Variants in DOCK2 observed in about 807,000 individuals in gnomAD.
DOCK2 encodes the protein dedicator of cytokinesis protein 2.
In DOCK2, 87 loss-of-function variants were observed where a neutral mutation model predicts 248.9. The ratio of observed to expected loss-of-function variants is 0.35; its 90% CI spans 0.29 to 0.42. The LOEUF (loss-of-function observed/expected upper bound fraction) is 0.42, where lower values mean the gene tolerates loss of function less well. Among genes scored for constraint, DOCK2 ranks in the 10% least tolerant of loss-of-function variants. DOCK2 has a pLI of 1.00. For missense variants in DOCK2, 1,747 were observed against 2,300.2 expected (o/e 0.76, Z 4.92); for synonymous variants, 805 against 821.6 (o/e 0.98, Z 0.35).
intron 22 of DOCK2, among the ~76,000 whole-genome samples, chr5:169,719,138 G>A (rs1762061972): frequency 6.6e-6 from 1 of 152,230 alleles, no homozygotes; most frequent in Admixed American, 6.5e-5. Context: ...AGGAAGGGCA[G>A]AACTCAGGGA....
At chr5:169,983,369 C>T (rs1777988734) in intron 28 of DOCK2, among the ~76,000 whole-genome samples, 2 of 152,162 alleles carry the variant, frequency 1.3e-5, no homozygotes, top group Non-Finnish European at 2.9e-5. Flanking sequence ...TAGGATTTGT[C>T]ACATGCTAGC....
intron 27 of DOCK2, among the ~76,000 whole-genome samples, chr5:169,969,483 A>G (rs1777423258): frequency 6.6e-6 from 1 of 152,196 alleles, no homozygotes; most frequent in South Asian, 2.1e-4. Context: ...ATTGGACTTC[A>G]TTTGTGTCAG....
intron 5 of DOCK2, among the ~76,000 whole-genome samples, chr5:169,674,037 A>G (rs978811834): frequency 6.6e-6 from 1 of 152,220 alleles, no homozygotes; most frequent in Non-Finnish European, 1.5e-5. Flanking sequence ...ATCTTTTTAG[A>G]TAAAGTCAGA....
intron 2 of DOCK2, among the ~76,000 whole-genome samples, chr5:169,665,719 A>G (rs989043510): frequency 2.0e-5 from 3 of 152,082 alleles, no homozygotes; most frequent in Non-Finnish European, 4.4e-5. Context: ...GCTAGGTGTT[A>G]TTTCCCTCAC....
chr5:169,901,420 T>G (rs770844288), intron 27 of DOCK2, among the ~76,000 whole-genome samples: 6 of 151,462 alleles, frequency 4.0e-5, no homozygotes, highest in Non-Finnish European at 7.4e-5. Flanking sequence ...TTACGAAGGG[T>G]GTGTGTGTGT....
chr5:169,921,003 C>G (rs550652364), intron 27 of DOCK2, among the ~76,000 whole-genome samples: 1 of 152,324 alleles, frequency 6.6e-6, no homozygotes, highest in Non-Finnish European at 1.5e-5. Context: ...GGGGCACTTT[C>G]CTAATTACCT....
At chr5:169,903,798 G>A (rs1236662812) in intron 27 of DOCK2, among the ~76,000 whole-genome samples, 1 of 152,140 alleles carries the variant, frequency 6.6e-6, no homozygotes, top group East Asian at 1.9e-4. Context: ...GAAGCCTCCA[G>A]TGGGTTTTAG....
chr5:170,077,803 G>T lies in DOCK2; in HGVS notation c.4960G>T (p.Asp1654Tyr), dbSNP rs1219623459. ...SIISLASMNS[D>Y]CSTPSKPTSE... ...CATCTCTCTGGCTTCCATGAATTCT[G>T]ACTGCAGCACCCCCAGCAAGCCTAC... The change falls in exon 48 of 52, where the codon GAC becomes TAC. Residue 1654 changes from aspartate to tyrosine, a missense_variant. Asp to Tyr is a radical substitution (Grantham distance 160). Coordinates refer to ENST00000520908, the MANE Select transcript of DOCK2 (RefSeq NM_004946.3). 3.7e-6 allele frequency: 6 copies of T among 1,613,470 alleles called. No homozygotes were observed. Among genetic ancestry groups the T allele is most frequent in the African/African-American group, 2.7e-5 (2 of 74,854 alleles).
intron 25 of DOCK2, among the ~76,000 whole-genome samples, chr5:169,801,181 T>TA (rs1311433104): frequency 1.8e-3 from 152 of 86,442 alleles, no homozygotes; most frequent in African/African-American, 5.3e-3. Context: ...TTTTTTTTTT[T>TA]AGTAGACTTG....
intron 6 of DOCK2, among the ~76,000 whole-genome samples, chr5:169,676,517 A>AG (rs1424987496): frequency 3.3e-5 from 5 of 152,158 alleles, no homozygotes; most frequent in African/African-American, 9.7e-5. Flanking sequence ...CCTCAAGCTC[A>AG]GGGGCCCCCT....
intron 51 of DOCK2, 79 bp downstream of exon 51, chr5:170,082,063 G>A (rs573813629): frequency 1.3e-6 from 2 of 1,564,070 alleles, no homozygotes; most frequent in African/African-American, 2.7e-5. Flanking sequence ...GAAGAAAATG[G>A]GGGGTTGTGT....
intron 1 of DOCK2, among the ~76,000 whole-genome samples, chr5:169,647,529 CAATA>C (rs1321008639): frequency 5.3e-5 from 8 of 152,126 alleles, no homozygotes; most frequent in Non-Finnish European, 1.5e-5. Flanking sequence ...CACAGCACAG[CAATA>C]AATAGAGTAC....
At chr5:170,021,562 C>A (rs184428805) in intron 33 of DOCK2, among the ~76,000 whole-genome samples, 1 of 152,260 alleles carries the variant, frequency 6.6e-6, no homozygotes, top group Admixed American at 6.5e-5. Flanking sequence ...ATCTTGGTTT[C>A]TCTGTGGCAT....
intron 27 of DOCK2, among the ~76,000 whole-genome samples, chr5:169,859,285 G>A (rs1181909310): frequency 6.6e-6 from 1 of 152,142 alleles, no homozygotes; most frequent in African/African-American, 2.4e-5. Flanking sequence ...CAGGAGTAGG[G>A]GTGGTATGAT....
chr5:169,917,103 C>A (rs1415377485), intron 27 of DOCK2, among the ~76,000 whole-genome samples: 3 of 152,190 alleles, frequency 2.0e-5, no homozygotes, highest in African/African-American at 7.2e-5. Context: ...ATGATCAAGC[C>A]ACCAAATCTC....
chr5:170,004,801 G>A (rs1320644591), intron 30 of DOCK2, among the ~76,000 whole-genome samples: 2 of 148,952 alleles, frequency 1.3e-5, no homozygotes, highest in Non-Finnish European at 3.0e-5. Context: ...ATCATTCTCA[G>A]TAAACTATCG....
intron 26 of DOCK2, among the ~76,000 whole-genome samples, chr5:169,809,286 C>G (rs1407928031): frequency 6.6e-6 from 1 of 152,168 alleles, no homozygotes; most frequent in African/African-American, 2.4e-5. Flanking sequence ...CCACTGCGCC[C>G]GGCCAGGTTT....
At chr5:169,954,267 G>A (rs1309361367) in intron 27 of DOCK2, among the ~76,000 whole-genome samples, 1 of 152,154 alleles carries the variant, frequency 6.6e-6, no homozygotes, top group South Asian at 2.1e-4. Flanking sequence ...AAATCCTTTC[G>A]AAGTGAGTGA....
intron 27 of DOCK2, among the ~76,000 whole-genome samples, chr5:169,867,577 A>C (rs144983053): frequency 2.6e-5 from 4 of 151,864 alleles, no homozygotes; most frequent in Non-Finnish European, 5.9e-5. Context: ...TCTATCATCT[A>C]TCTGTCATCT....
Sources: gnomAD v4.1 joint callset for allele counts (sites outside exome capture counted in the v4.1 genomes callset) on GRCh38, gnomAD v4.1.1 for gene constraint, MANE v1.5 for transcripts, NCBI Gene and HGNC (gene_info 2026-07-23, HGNC 2026-07-21) for gene names.